IRF1: variants seen among roughly 807,000 people sequenced by gnomAD.
The protein encoded by IRF1 is interferon regulatory factor-1.
IRF1 carries 13 observed loss-of-function variants against 43.7 expected under a neutral mutation model. That is an observed-to-expected ratio of 0.30 (90% confidence interval 0.19 to 0.47). The LOEUF (loss-of-function observed/expected upper bound fraction) is 0.47. Ranked by LOEUF, IRF1 falls within the 20% of genes least tolerant of loss-of-function variation. IRF1 has a pLI of 0.99. For synonymous variants in IRF1, 138 were observed against 146.8 expected, an observed-to-expected ratio of 0.94 and a Z score of 0.43; for missense variants, 236 against 408.9, an observed-to-expected ratio of 0.58 and a Z score of 3.65.
intron 7 of IRF1, chr5:132,485,936 G>A (rs895746464): frequency 2.5e-5 from 15 of 597,688 alleles, no homozygotes; most frequent in African/African-American, 1.5e-4. Context: ...AAGCCACGCC[G>A]CTTCCCACCC....
At chr5:132,487,700 C>A (rs1754572956) in intron 3 of IRF1, 1 of 559,074 alleles carries the variant, frequency 1.8e-6, no homozygotes, top group South Asian at 2.1e-5. Flanking sequence ...CACAAACCCC[C>A]TGAAGCCACA....
intron 2 of IRF1, 98 bp downstream of exon 2, chr5:132,489,294 G>A (rs1267546419): frequency 7.4e-6 from 7 of 943,216 alleles, no homozygotes; most frequent in Admixed American, 1.8e-5. Flanking sequence ...TGCTTGTCCC[G>A]TTATCACTTC....
intron 9 of IRF1, 110 bp from the exon 10 acceptor site, chr5:132,484,185 G>C: frequency 6.7e-7 from 1 of 1,484,664 alleles, no homozygotes; most frequent in East Asian, 2.3e-5. Context: ...CAGCACAGCA[G>C]TAAACATCCA....
intron 3 of IRF1, chr5:132,487,585 G>A (rs994458793): frequency 5.3e-6 from 2 of 379,260 alleles, no homozygotes; most frequent in African/African-American, 4.1e-5. Context: ...TTGGACCAAG[G>A]GCCTTGGTCA....
At position 132,482,741 on chromosome 5, in the gene IRF1, C is replaced by A. The variant is rs977908618; in HGVS notation, c.*1210G>T. 2.7e-5 allele frequency: 4 copies of A among 150,260 alleles called. No homozygotes were observed. Among genetic ancestry groups the A allele is most frequent in the African/African-American group, 9.8e-5 (4 of 40,644 alleles). 9.3% of individuals were successfully genotyped at this position (150,260 alleles called of 1,614,324 possible). ...TCTCGGCTCACTGCAACCTCCACCT[C>A]CCAGGTTCAAGCGATTCTCTTGCCT... On this transcript the variant is annotated 3_prime_UTR_variant, in exon 10 of 10. Transcript: ENST00000245414.
At chr5:132,488,086 T>C in intron 2 of IRF1, 61 bp from the exon 3 acceptor site, 2 of 1,314,784 alleles carry the variant, frequency 1.5e-6, no homozygotes, top group Non-Finnish European at 2.2e-6. Flanking sequence ...ACTTTGGGGC[T>C]GAGTCTGAGA....
At position 132,483,944 on chromosome 5, in the gene IRF1, G is replaced by T. The variant is rs777160756; in HGVS notation, c.*7C>A. On this transcript the variant is annotated 3_prime_UTR_variant, in exon 10 of 10. Coordinates refer to ENST00000245414, the MANE Select transcript of IRF1 (RefSeq NM_002198.3). Reference sequence around the variant, plus strand: ...CCTAGAGGAATAAGAGGGGCCCAGGGGCCCTGCTACGGTGCACAGGGAATG... The same window carrying T: ...CCTAGAGGAATAAGAGGGGCCCAGGTGCCCTGCTACGGTGCACAGGGAATG... 6.2e-7 allele frequency: 1 copy of T among 1,612,700 alleles called. No homozygotes were observed. Among genetic ancestry groups the T allele is most frequent in the Non-Finnish European group, 8.5e-7 (1 of 1,179,854 alleles).
chr5:132,482,061 T>G lies in IRF1; in HGVS notation c.*1890A>C, dbSNP rs532525303. On this transcript the variant is annotated 3_prime_UTR_variant, in exon 10 of 10. Coordinates refer to ENST00000245414, the MANE Select transcript of IRF1 (RefSeq NM_002198.3). ...ATGTGAACATAAACAAAAGGATTTT[T>G]TTTTTTTTGAGACAAAGTCTCACTC... 1.3e-5 allele frequency: 2 copies of G among 152,090 alleles called. No homozygotes were observed. Among genetic ancestry groups the G allele is most frequent in the Non-Finnish European group, 2.9e-5 (2 of 68,010 alleles). The allele number at this position is 152,090 out of a possible 1,614,324, so 9.4% of individuals were successfully genotyped here.
intron 8 of IRF1, chr5:132,485,382 TG>T (rs1026596683): frequency 7.1e-6 from 3 of 420,514 alleles, no homozygotes; most frequent in Non-Finnish European, 1.3e-5. Flanking sequence ...GGGCAGAGGA[TG>T]CAGGCCAGGG....
intron 8 of IRF1, chr5:132,484,857 GAACGAC>G (rs1194644623): frequency 5.5e-6 from 1 of 182,108 alleles, no homozygotes; most frequent in Non-Finnish European, 1.1e-5. Context: ...TAGAGATAAG[GAACGAC>G]ATCCATGTCT....
At chr5:132,485,628 C>G in intron 8 of IRF1, 39 bp downstream of exon 8, 6 of 1,493,144 alleles carry the variant, frequency 4.0e-6, no homozygotes, top group Non-Finnish European at 5.6e-6. Context: ...CACTGAGAAA[C>G]GGTCACTTCA....
rs1032091452 is a variant in IRF1 at position 132,483,855 on chromosome 5, T to C, written c.*96A>G. The C allele has an allele frequency of 2.0e-6, 3 of 1,499,072 alleles. No homozygotes were observed. Among genetic ancestry groups the C allele is most frequent in the African/African-American group, 2.8e-5 (2 of 72,194 alleles). The allele number at this position is 1,499,072 out of a possible 1,614,324, so 92.9% of individuals were successfully genotyped here. ...TTGGCAGTGGGGTCACACTTGGCTG[T>C]TGAGGGGCCCACAGAAGTCCAGCTT... On this transcript the variant is annotated 3_prime_UTR_variant, in exon 10 of 10. Transcript: ENST00000245414.
Position 132,485,554 on chromosome 5 carries a change from G to A in IRF1, c.717+113C>T, listed in dbSNP as rs10068129. On this transcript the variant is annotated intron_variant, in intron 8 of 9. Transcript: ENST00000245414. ...ATGTGGCACTTGTGGGACAATGCAAGCAGCCAGGTGACAACAGCAGCTACC... is the reference window on the plus strand; with the variant it reads ...ATGTGGCACTTGTGGGACAATGCAAACAGCCAGGTGACAACAGCAGCTACC... The A allele has an allele frequency of 0.35, 299,505 of 862,520 alleles. 53,312 individuals are homozygous for A. Among genetic ancestry groups the A allele is most frequent in the African/African-American group, 0.49 (29,604 of 60,648 alleles). 53.4% of individuals were successfully genotyped at this position (862,520 alleles called of 1,614,324 possible). A position where few individuals can be genotyped will look rare whatever the true frequency, so the allele number is the denominator to read the frequency against.
intron 3 of IRF1, chr5:132,487,378 T>C (rs1437218093): frequency 1.3e-5 from 7 of 522,928 alleles, no homozygotes; most frequent in Non-Finnish European, 2.4e-5. Flanking sequence ...AGCACTAGAG[T>C]CCCCATATCC....
chr5:132,485,055 G>C (rs1561603285), intron 8 of IRF1: 1 of 155,318 alleles, frequency 6.4e-6, no homozygotes, highest in Non-Finnish European at 1.4e-5. Flanking sequence ...TGGGATTACA[G>C]GCATGCGCCA....
chr5:132,485,941 C>A (rs10068266), intron 7 of IRF1: 208,621 of 600,706 alleles, frequency 0.35, 37,263 homozygotes, highest in African/African-American at 0.49. Context: ...ACGCCGCTTC[C>A]CACCCCTACC....
chr5:132,489,718 G>A, intron 1 of IRF1: 1 of 461,850 alleles, frequency 2.2e-6, no homozygotes. Context: ...AGTCTCTGGA[G>A]GAGACAGGCA....
intron 3 of IRF1, chr5:132,487,537 T>A (rs1754569006): frequency 5.9e-6 from 2 of 339,272 alleles, no homozygotes; most frequent in African/African-American, 4.2e-5. Flanking sequence ...TAGAGCTCCA[T>A]CTCTCAAGGA....
chr5:132,487,570 G>A (rs1754569713), intron 3 of IRF1: 1 of 356,640 alleles, frequency 2.8e-6, no homozygotes, highest in African/African-American at 2.1e-5. Context: ...CCAACCACAT[G>A]AGGCTTGGAC....
Sources: allele counts gnomAD v4.1 joint callset, GRCh38; gene constraint gnomAD v4.1.1; transcripts MANE v1.5; gene names NCBI Gene and HGNC (gene_info 2026-07-23, HGNC 2026-07-21).